The following ADGRL3 variants were observed in gnomAD, a reference collection of about 807,000 sequenced individuals.
ADGRL3 encodes the protein calcium-independent alpha-latrotoxin receptor 3.
Under a neutral mutation model 153.5 loss-of-function variants are expected in ADGRL3, and 62 were observed. The observed-to-expected ratio is 0.40, with a 90% CI of 0.33 to 0.50. ADGRL3 has a LOEUF of 0.50. Among genes scored for constraint, ADGRL3 ranks in the 20% least tolerant of loss-of-function variants. ADGRL3 has a pLI of 0.47. For synonymous variants in ADGRL3, 710 were observed against 672.5 expected (o/e 1.06, Z -0.86); for missense variants, 1,641 against 1,859.4 (o/e 0.88, Z 2.16).
intron 6 of ADGRL3, among the ~76,000 whole-genome samples, chr4:61,713,172 G>T (rs1342218693): frequency 2.6e-5 from 4 of 152,014 alleles, no homozygotes; most frequent in Non-Finnish European, 5.9e-5. Flanking sequence ...AACATATCCT[G>T]CATTTTTATA....
chr4:61,807,159 T>A (rs1441421227), intron 8 of ADGRL3, among the ~76,000 whole-genome samples: 1 of 152,114 alleles, frequency 6.6e-6, no homozygotes, highest in African/African-American at 2.4e-5. Flanking sequence ...CAGTTTATTT[T>A]CAGTACTTGG....
At chr4:61,592,238 G>A (rs2098972667) in intron 5 of ADGRL3, among the ~76,000 whole-genome samples, 1 of 152,144 alleles carries the variant, frequency 6.6e-6, no homozygotes, top group African/African-American at 2.4e-5. Context: ...AATAGTGTGA[G>A]GAGGTGAAAT....
At chr4:61,584,852 C>T (rs2098939947) in intron 4 of ADGRL3, among the ~76,000 whole-genome samples, 1 of 151,808 alleles carries the variant, frequency 6.6e-6, no homozygotes, top group Non-Finnish European at 1.5e-5. Flanking sequence ...TTATATAAGA[C>T]TTTAAATACA....
chr4:61,217,926 A>G (rs1038724133), intron 1 of ADGRL3, among the ~76,000 whole-genome samples: 1 of 152,214 alleles, frequency 6.6e-6, no homozygotes, highest in African/African-American at 2.4e-5. Context: ...TTGTCAAAGA[A>G]TAGCAGTAAA....
chr4:62,006,129 G>T (rs537819581), intron 21 of ADGRL3, among the ~76,000 whole-genome samples: 16 of 148,858 alleles, frequency 1.1e-4, no homozygotes, highest in African/African-American at 4.0e-4. Context: ...CCACCTCCTG[G>T]ATTTAAGGGA....
At chr4:61,206,999 A>G (rs903660997) in intron 1 of ADGRL3, among the ~76,000 whole-genome samples, 1 of 151,812 alleles carries the variant, frequency 6.6e-6, no homozygotes, top group Admixed American at 6.6e-5. Context: ...TAAATAAATA[A>G]ATAAATAAAT....
chr4:61,480,617 T>C (rs1273031521), intron 2 of ADGRL3, among the ~76,000 whole-genome samples: 1 of 151,774 alleles, frequency 6.6e-6, no homozygotes, highest in South Asian at 2.1e-4. Context: ...ACCCTGTCTC[T>C]ACTAAAAATA....
At chr4:61,898,378 G>A (rs1581365435) in intron 11 of ADGRL3, among the ~76,000 whole-genome samples, 1 of 152,156 alleles carries the variant, frequency 6.6e-6, no homozygotes, top group African/African-American at 2.4e-5. Flanking sequence ...ACACACACAA[G>A]GAGTGAGTTT....
chr4:61,396,360 AAG>A (rs2096868473), intron 2 of ADGRL3, among the ~76,000 whole-genome samples: 1 of 151,976 alleles, frequency 6.6e-6, no homozygotes, highest in Non-Finnish European at 1.5e-5. Context: ...AATTTTAAAA[AAG>A]AAATTATTTA....
chr4:61,247,475 T>C (rs1983112), intron 1 of ADGRL3, among the ~76,000 whole-genome samples: 10,075 of 152,118 alleles, frequency 0.066, 477 homozygotes, highest in Non-Finnish European at 0.097. Context: ...TTATCTGCAT[T>C]GGTTGTGATG....
rs1282394619 is a variant in ADGRL3 at position 61,646,006 on chromosome 4, A to T, written c.474-30820A>T. ...GTTTCTTTTTATTCTTTTTTCTCTAAACTTCCCTTCTCGCTTCATTTCATT... is the reference window on the plus strand; with the variant it reads ...GTTTCTTTTTATTCTTTTTTCTCTATACTTCCCTTCTCGCTTCATTTCATT... On this transcript the variant is annotated intron_variant, in intron 5 of 26. Transcript: ENST00000683033. Among the ~76,000 whole-genome samples the T allele has an allele frequency of 2.6e-5, 4 of 151,690 alleles. No individual in the cohort carries two copies. In the East Asian group the frequency reaches 7.7e-4, roughly 29 times the overall value.
chr4:62,027,687 T>C (rs1211314214), intron 21 of ADGRL3, among the ~76,000 whole-genome samples: 1 of 151,968 alleles, frequency 6.6e-6, no homozygotes, highest in African/African-American at 2.4e-5. Context: ...GATTTTACCC[T>C]AGCTTTGAAT....
At chr4:62,013,705 T>A (rs975905921) in intron 21 of ADGRL3, among the ~76,000 whole-genome samples, 8 of 151,726 alleles carry the variant, frequency 5.3e-5, no homozygotes, top group Admixed American at 2.6e-4. Flanking sequence ...CTGGCCAATG[T>A]GGTGAAACCC....
At chr4:61,683,437 C>T (rs1477336133) in intron 6 of ADGRL3, among the ~76,000 whole-genome samples, 1 of 152,076 alleles carries the variant, frequency 6.6e-6, no homozygotes, top group African/African-American at 2.4e-5. Context: ...AAAAGGAAAG[C>T]TCTCAGCAAT....
intron 2 of ADGRL3, among the ~76,000 whole-genome samples, chr4:61,452,732 A>G (rs1724589891): frequency 6.6e-6 from 1 of 152,158 alleles, no homozygotes; most frequent in Non-Finnish European, 1.5e-5. Flanking sequence ...CTGGTATGAA[A>G]TTTGGAGCAT....
rs1000919565 is a variant in ADGRL3, at chr4:61,754,926, A to G, written c.1399+21372A>G. On this transcript the variant is annotated intron_variant, in intron 8 of 26. Coordinates refer to ENST00000683033, the MANE Select transcript of ADGRL3 (RefSeq NM_001387552.1). ...AGAATGATGGTTACCAGCTTCATGC[A>G]TGTCCCTACAAAGGACATGAACTCA... is the stretch of plus-strand genomic sequence containing the variant. 2.6e-5 allele frequency among the ~76,000 whole-genome samples: 4 copies of G among 152,312 alleles called. 1 individual carries two copies. Among genetic ancestry groups the G allele is most frequent in the African/African-American group, 9.6e-5 (4 of 41,576 alleles).
chr4:61,726,459 A>G (rs2096348222), intron 6 of ADGRL3, among the ~76,000 whole-genome samples: 1 of 151,970 alleles, frequency 6.6e-6, no homozygotes, highest in Non-Finnish European at 1.5e-5. Context: ...TCGAACTCCC[A>G]AAGTGCTGGG....
At chr4:61,353,561 C>T (rs2096095686) in intron 1 of ADGRL3, among the ~76,000 whole-genome samples, 2 of 149,932 alleles carry the variant, frequency 1.3e-5, no homozygotes, top group Admixed American at 6.7e-5. Flanking sequence ...GCTGGGACTA[C>T]AGATGTGTAC....
At chr4:61,293,264 C>G (rs1213128203) in intron 1 of ADGRL3, among the ~76,000 whole-genome samples, 1 of 152,178 alleles carries the variant, frequency 6.6e-6, no homozygotes, top group East Asian at 1.9e-4. Context: ...ATACGATTCT[C>G]TTTCCTCTTT....
Sources: allele counts gnomAD v4.1 joint callset (sites outside exome capture counted in the v4.1 genomes callset), GRCh38; gene constraint gnomAD v4.1.1; transcripts MANE v1.5; gene names NCBI Gene and HGNC (gene_info 2026-07-23, HGNC 2026-07-21).